Variants in KHDRBS2 observed in about 807,000 individuals in gnomAD.
The protein encoded by KHDRBS2 is KH RNA binding domain containing, signal transduction associated 2.
A neutral mutation model predicts 44.3 loss-of-function variants in KHDRBS2; 26 were observed. The ratio of observed to expected loss-of-function variants is 0.59; its 90% confidence interval spans 0.43 to 0.81. The LOEUF is 0.81. Ranked by LOEUF, KHDRBS2 falls within the 40% of genes least tolerant of loss-of-function variation. The pLI is 0.00. For missense variants in KHDRBS2, 476 were observed against 433.1 expected (o/e 1.10, Z -0.88); for synonymous variants, 194 against 151.1 (o/e 1.28, Z -2.08).
At chr6:62,160,234 T>G (rs1268065764) in intron 2 of KHDRBS2, among the ~76,000 whole-genome samples, 3 of 151,988 alleles carry the variant, frequency 2.0e-5, no homozygotes, top group Non-Finnish European at 2.9e-5. Context: ...CAAACTACAT[T>G]AAAAGATAAT....
At position 61,944,319 on chromosome 6, in the gene KHDRBS2, T is replaced by C. The variant is rs567947996; in HGVS notation, c.483+33747A>G. Among the ~76,000 whole-genome samples the C allele has an allele frequency of 4.6e-5, 7 of 152,212 alleles. No homozygotes were observed. In the East Asian group the frequency reaches 1.4e-3, roughly 29 times the overall value. ...TACACACACAATGGAATACTATTAG[T>C]CCATATAAAAGAATGAAATCATTTC... On this transcript the variant is annotated intron_variant, in intron 4 of 8. Transcript: ENST00000281156.
At chr6:62,027,805 T>C (rs1783641770) in intron 3 of KHDRBS2, among the ~76,000 whole-genome samples, 1 of 152,136 alleles carries the variant, frequency 6.6e-6, no homozygotes, top group African/African-American at 2.4e-5. Flanking sequence ...GGAAGTTCTA[T>C]GCCTTTTCCC....
chr6:62,013,498 G>GATA (rs145270323), intron 3 of KHDRBS2, among the ~76,000 whole-genome samples: 34 of 151,984 alleles, frequency 2.2e-4, no homozygotes, highest in Non-Finnish European at 4.1e-4. Context: ...TTTATTATTT[G>GATA]ATTTTAGCAA....
At chr6:61,997,024 GC>G (rs1777330307) in intron 3 of KHDRBS2, among the ~76,000 whole-genome samples, 1 of 151,878 alleles carries the variant, frequency 6.6e-6, no homozygotes, top group African/African-American at 2.4e-5. Flanking sequence ...CTCGTGATCC[GC>G]CCACCTTGGC....
chr6:62,113,075 G>T (rs772010022), intron 2 of KHDRBS2, among the ~76,000 whole-genome samples: 1 of 152,052 alleles, frequency 6.6e-6, no homozygotes, highest in Non-Finnish European at 1.5e-5. Context: ...CAATGAAGCT[G>T]CCCAGTGAAT....
In KHDRBS2 at chr6:62,030,268, C is replaced by G. The variant is rs141052876; in HGVS notation, c.336+17610G>C. Among the ~76,000 whole-genome samples, 356 of 152,146 alleles carry G rather than the reference C, an allele frequency of 2.3e-3. 1 individual carries two copies. The highest frequency in any genetic ancestry group is 7.8e-3 in the African/African-American group (326 of 41,550). On this transcript the variant is annotated intron_variant, in intron 3 of 8. Transcript: ENST00000281156. ...CTGATATAATTCTTTGGTGAGTACT[C>G]CCTTAGAACAATATAATTTTCTAAA...
the KHDRBS2 span, among the ~76,000 whole-genome samples, chr6:61,583,919 GTA>G: frequency 6.6e-6 from 1 of 150,996 alleles, no homozygotes; most frequent in Non-Finnish European, 1.5e-5. Context: ...GCTATCTTAT[GTA>G]TATATATATC....
intron 3 of KHDRBS2, among the ~76,000 whole-genome samples, chr6:62,019,107 A>G (rs1467842029): frequency 2.0e-5 from 3 of 152,110 alleles, no homozygotes; most frequent in Non-Finnish European, 2.9e-5. Flanking sequence ...CTGGAATAGC[A>G]TCTATTTTCA....
At chr6:62,093,856 T>TTGTGTGTGTGTG (rs61194705) in intron 2 of KHDRBS2, among the ~76,000 whole-genome samples, 1,515 of 143,280 alleles carry the variant, frequency 0.011, 12 homozygotes, top group Non-Finnish European at 0.017. Flanking sequence ...TTCCATTGTT[T>TTGTGTGTGTGTG]TGTGTGTGTG....
chr6:61,723,831 G>T (rs1409072641), intron 7 of KHDRBS2, among the ~76,000 whole-genome samples: 3 of 152,126 alleles, frequency 2.0e-5, no homozygotes, highest in Admixed American at 1.3e-4. Context: ...TTTAAAGAGA[G>T]CAGACCTATG....
In KHDRBS2 at chr6:61,786,542, A is replaced by G. The variant is rs150086264; in HGVS notation, c.811-53778T>C. On this transcript the variant is annotated intron_variant, in intron 6 of 8. Coordinates refer to ENST00000281156, the MANE Select transcript of KHDRBS2 (RefSeq NM_152688.4). ...AAAGGAAACAAAGCTAAATTTATTT[A>G]TGATTCTAAATAAAAAATTAAAACA... Among the ~76,000 whole-genome samples the G allele has an allele frequency of 1.2e-3, 188 of 151,788 alleles. 1 individual carries two copies. Among genetic ancestry groups the G allele is most frequent in the African/African-American group, 4.3e-3 (179 of 41,538 alleles).
At chr6:61,734,504 T>G (rs1775009652) in intron 6 of KHDRBS2, among the ~76,000 whole-genome samples, 1 of 152,072 alleles carries the variant, frequency 6.6e-6, no homozygotes, top group Non-Finnish European at 1.5e-5. Context: ...GTTGGATTTA[T>G]AAATTTTGTC....
intron 6 of KHDRBS2, among the ~76,000 whole-genome samples, chr6:61,797,725 TTGTGTGTGTGTGTGTGTGTGTGTG>T (rs56038952): frequency 8.7e-6 from 1 of 114,752 alleles, no homozygotes; most frequent in Non-Finnish European, 2.1e-5. Context: ...GTATGGTGTT[TTGTGTGTGTGTGTGTGTGTGTGTG>T]TGTGTGTGTG....
intron 1 of KHDRBS2, among the ~76,000 whole-genome samples, chr6:62,258,863 T>A (rs935842853): frequency 2.0e-5 from 3 of 152,042 alleles, no homozygotes; most frequent in African/African-American, 7.2e-5. Context: ...TCTGCACATG[T>A]CCCCATCAGG....
At chr6:61,858,010 A>T (rs1367981489) in intron 6 of KHDRBS2, among the ~76,000 whole-genome samples, 6 of 151,990 alleles carry the variant, frequency 3.9e-5, no homozygotes, top group African/African-American at 1.4e-4. Flanking sequence ...AAGAAATGTT[A>T]TAGGTCAAGT....
rs542204658 is a variant in KHDRBS2, at chr6:61,864,555, T to C, written c.810+30080A>G. ...TTTGGCTGGATATAAAATTTGGAGT[T>C]GAAATTTCTTTTCTTCAAGAATTTT... On this transcript the variant is annotated intron_variant, in intron 6 of 8. Transcript: ENST00000281156. 9.2e-5 allele frequency among the ~76,000 whole-genome samples: 14 copies of C among 152,340 alleles called. No individual in the cohort carries two copies. The East Asian group carries it at 2.7e-3, about 29-fold the overall frequency.
chr6:62,045,042 T>C (rs1787378509), intron 3 of KHDRBS2, among the ~76,000 whole-genome samples: 2 of 151,892 alleles, frequency 1.3e-5, no homozygotes. Flanking sequence ...TGGACATAAA[T>C]TTGAGGTTCA....
Position 61,978,162 on chromosome 6 carries a change from A to T in KHDRBS2, c.387T>A (p.Asp129Glu). ...SGEAKYAHLS[D>E]ELHVLIEVFA... Reference sequence around the variant, plus strand: ...ACACTTCAATTAATACATGAAGCTCATCACTCAAGTGGGCATATTTGGCTT... The same window carrying T: ...ACACTTCAATTAATACATGAAGCTCTTCACTCAAGTGGGCATATTTGGCTT... Residue 129 changes from aspartate (D) to glutamate (E), a missense_variant, in exon 4 of 9, where the codon GAT (aspartate) becomes GAA (glutamate). Coordinates refer to ENST00000281156, the MANE Select transcript of KHDRBS2 (RefSeq NM_152688.4). 1 of 1,611,506 alleles carries T rather than the reference A, an allele frequency of 6.2e-7. No homozygotes were observed. Among genetic ancestry groups the T allele is most frequent in the Non-Finnish European group, 8.5e-7 (1 of 1,178,178 alleles).
chr6:61,981,093 C>A (rs1773750957), intron 3 of KHDRBS2, among the ~76,000 whole-genome samples: 1 of 139,378 alleles, frequency 7.2e-6, no homozygotes, highest in African/African-American at 2.7e-5. Flanking sequence ...CCTGTCATTC[C>A]CTTCTTTAAA....
Sources: allele counts gnomAD v4.1 joint callset (sites outside exome capture counted in the v4.1 genomes callset), GRCh38; gene constraint gnomAD v4.1.1; transcripts MANE v1.5; gene names NCBI Gene and HGNC (gene_info 2026-07-23, HGNC 2026-07-21).